The following HS6ST3 variants were observed in gnomAD, a reference collection of about 807,000 sequenced individuals.
The protein encoded by HS6ST3 is heparan-sulfate 6-O-sulfotransferase 3.
HS6ST3 carries 12 observed loss-of-function variants against 36.7 expected under a neutral mutation model. That is an observed-to-expected ratio of 0.33 (90% CI 0.21 to 0.53). The LOEUF is 0.53. Ranked by LOEUF, HS6ST3 falls within the 20% of genes least tolerant of loss-of-function variation. The pLI is 0.95. For synonymous variants in HS6ST3, 240 were observed against 257.5 expected, an observed-to-expected ratio of 0.93 and a Z score of 0.65; for missense variants, 584 against 640.9, an observed-to-expected ratio of 0.91 and a Z score of 0.96.
intron 1 of HS6ST3, among the ~76,000 whole-genome samples, chr13:96,537,433 G>C (rs1046358745): frequency 3.6e-4 from 55 of 152,126 alleles, no homozygotes; most frequent in African/African-American, 1.3e-3. Context: ...TCTATAATGA[G>C]AGGCATAACA....
At chr13:96,391,831 G>A (rs574111283) in intron 1 of HS6ST3, among the ~76,000 whole-genome samples, 2 of 152,180 alleles carry the variant, frequency 1.3e-5, no homozygotes, top group South Asian at 2.1e-4. Context: ...TCCATGACAC[G>A]TGGGAATTGT....
At chr13:96,686,576 A>G (rs1594836053) in intron 1 of HS6ST3, among the ~76,000 whole-genome samples, 2 of 152,166 alleles carry the variant, frequency 1.3e-5, no homozygotes, top group African/African-American at 4.8e-5. Flanking sequence ...TTACTGAGAC[A>G]CTGAAGGCAC....
intron 1 of HS6ST3, among the ~76,000 whole-genome samples, chr13:96,614,073 C>G (rs577986458): frequency 3.0e-4 from 45 of 151,702 alleles, no homozygotes; most frequent in African/African-American, 1.0e-3. Flanking sequence ...CCGAGGCGGG[C>G]GAATGAGGAG....
chr13:96,176,141 A>G (rs962026691), intron 1 of HS6ST3, among the ~76,000 whole-genome samples: 10 of 152,244 alleles, frequency 6.6e-5, no homozygotes, highest in African/African-American at 2.4e-4. Context: ...ATATATTTAA[A>G]TCTATGATTT....
intron 1 of HS6ST3, among the ~76,000 whole-genome samples, chr13:96,167,442 C>T (rs953674423): frequency 1.3e-5 from 2 of 152,100 alleles, no homozygotes; most frequent in Non-Finnish European, 2.9e-5. Context: ...TTTTTTGGGG[C>T]TGCAAAGTGC....
chr13:96,294,330 A>G (rs2054844355), intron 1 of HS6ST3, among the ~76,000 whole-genome samples: 1 of 152,184 alleles, frequency 6.6e-6, no homozygotes, highest in Admixed American at 6.6e-5. Flanking sequence ...GTAAGTCTAT[A>G]CACTTATATT....
intron 1 of HS6ST3, among the ~76,000 whole-genome samples, chr13:96,258,913 T>C (rs553882062): frequency 2.9e-4 from 44 of 151,910 alleles, no homozygotes; most frequent in African/African-American, 1.0e-3. Context: ...CACTGTAGAG[T>C]CTGTAGAAGG....
At chr13:96,132,773 C>CA (rs1176012114) in intron 1 of HS6ST3, among the ~76,000 whole-genome samples, 25 of 152,280 alleles carry the variant, frequency 1.6e-4, no homozygotes, top group African/African-American at 6.0e-4. Flanking sequence ...TCCACATTCT[C>CA]ACTAACCCTT....
chr13:96,726,997 A>C (rs778487696), intron 1 of HS6ST3, among the ~76,000 whole-genome samples: 3 of 152,192 alleles, frequency 2.0e-5, no homozygotes, highest in Non-Finnish European at 4.4e-5. Context: ...CAAGTTATCT[A>C]ACTATTCTTA....
chr13:96,216,638 G>T (rs1351301876), intron 1 of HS6ST3, among the ~76,000 whole-genome samples: 6 of 152,114 alleles, frequency 3.9e-5, no homozygotes, highest in African/African-American at 1.2e-4. Flanking sequence ...TGTCGTTGTG[G>T]GGTGGGCAGG....
chr13:96,323,582 C>T (rs1470348205), intron 1 of HS6ST3, among the ~76,000 whole-genome samples: 4 of 152,124 alleles, frequency 2.6e-5, no homozygotes, highest in Admixed American at 2.0e-4. Flanking sequence ...TTGATTGACT[C>T]GTTGCTGTTT....
chr13:96,748,536 T>C (rs1420398396), intron 1 of HS6ST3, among the ~76,000 whole-genome samples: 1 of 152,152 alleles, frequency 6.6e-6, no homozygotes, highest in African/African-American at 2.4e-5. Flanking sequence ...GTACAGTATT[T>C]AGCTAGTCAG....
intron 1 of HS6ST3, among the ~76,000 whole-genome samples, chr13:96,623,878 C>A (rs566581557): frequency 6.6e-6 from 1 of 152,236 alleles, no homozygotes; most frequent in African/African-American, 2.4e-5. Flanking sequence ...TAATTTAGTT[C>A]AATTCAACAA....
rs190935043 is a variant in HS6ST3, at chr13:96,677,764, T to G, written c.708-154726T>G. Among the ~76,000 whole-genome samples the G allele has an allele frequency of 4.3e-3, 652 of 152,314 alleles. 6 individuals are homozygous for G. Among genetic ancestry groups the G allele is most frequent in the Non-Finnish European group, 5.6e-3 (378 of 68,012 alleles). ...TGTAGTAAATATTTGATTACATCTC[T>G]TTCTCTCCTCTAGAATTTGCATCAT... On this transcript the variant is annotated intron_variant, in intron 1 of 1. Coordinates refer to ENST00000376705, the MANE Select transcript of HS6ST3 (RefSeq NM_153456.4).
In HS6ST3 at chr13:96,598,299, A is replaced by T. The variant is rs559909997; in HGVS notation, c.708-234191A>T. ...CATTTTGATAACATTGATTCTTCCAACCCATGAGCATGGAATATTTTCCAG... is the reference window on the plus strand; with the variant it reads ...CATTTTGATAACATTGATTCTTCCATCCCATGAGCATGGAATATTTTCCAG... On this transcript the variant is annotated intron_variant, in intron 1 of 1. Transcript: ENST00000376705. Among the ~76,000 whole-genome samples, 5 of 152,126 alleles carry T rather than the reference A, an allele frequency of 3.3e-5. No homozygotes were observed. In the South Asian group the frequency reaches 1.0e-3, roughly 32 times the overall value.
At chr13:96,378,324 C>CT (rs1209427461) in intron 1 of HS6ST3, among the ~76,000 whole-genome samples, 2 of 152,116 alleles carry the variant, frequency 1.3e-5, no homozygotes, top group Non-Finnish European at 2.9e-5. Context: ...AAAATGAGGC[C>CT]TTACTGCAGT....
intron 1 of HS6ST3, among the ~76,000 whole-genome samples, chr13:96,179,109 G>A (rs965102764): frequency 8.5e-5 from 13 of 152,216 alleles, no homozygotes; most frequent in Non-Finnish European, 2.9e-5. Flanking sequence ...AAATGCTGAA[G>A]TGGTTGGTAT....
At chr13:96,690,852 G>C (rs1057341155) in intron 1 of HS6ST3, among the ~76,000 whole-genome samples, 1 of 152,010 alleles carries the variant, frequency 6.6e-6, no homozygotes, top group East Asian at 1.9e-4. Flanking sequence ...CATTGTCACT[G>C]CTCAACTATG....
chr13:96,291,081 A>G (rs1490172745), intron 1 of HS6ST3, among the ~76,000 whole-genome samples: 2 of 152,184 alleles, frequency 1.3e-5, no homozygotes, highest in Admixed American at 6.5e-5. Flanking sequence ...GACATTTTAT[A>G]TTCTTTATAT....
Sources: gnomAD v4.1 joint callset for allele counts (sites outside exome capture counted in the v4.1 genomes callset) on GRCh38, gnomAD v4.1.1 for gene constraint, MANE v1.5 for transcripts, NCBI Gene and HGNC (gene_info 2026-07-23, HGNC 2026-07-21) for gene names.